Variants in KCNQ5 observed in about 807,000 individuals in gnomAD.
The protein encoded by KCNQ5 is potassium voltage-gated channel subfamily Q member 5.
KCNQ5 carries 30 observed loss-of-function variants against 98.2 expected under a neutral mutation model. The ratio of observed to expected loss-of-function variants is 0.31; its 90% CI spans 0.23 to 0.41. The LOEUF (loss-of-function observed/expected upper bound fraction) is 0.41, where lower values mean the gene tolerates loss of function less well. Ranked by LOEUF, KCNQ5 falls within the 10% of genes least tolerant of loss-of-function variation. The probability of loss-of-function intolerance (pLI) is 1.00; values close to 1 mark genes in which losing one functional copy is unlikely to be tolerated. For missense variants in KCNQ5, 835 were observed against 1,182.5 expected (o/e 0.71, Z 4.31); for synonymous variants, 458 against 449.4 (o/e 1.02, Z -0.24).
intron 1 of KCNQ5, among the ~76,000 whole-genome samples, chr6:73,003,062 GT>G (rs77297471): frequency 0.14 from 21,295 of 149,786 alleles, 2,003 homozygotes; most frequent in East Asian, 0.26. Context: ...AATAGCTCAG[GT>G]TTTTTTTTTA....
chr6:72,906,551 C>T (rs1487143770), intron 1 of KCNQ5, among the ~76,000 whole-genome samples: 1 of 152,188 alleles, frequency 6.6e-6, no homozygotes, highest in East Asian at 1.9e-4. Context: ...CTTGGGGACC[C>T]AGCAAGCTCC....
chr6:72,825,289 T>C (rs1775945190), intron 1 of KCNQ5, among the ~76,000 whole-genome samples: 1 of 152,188 alleles, frequency 6.6e-6, no homozygotes, highest in Admixed American at 6.5e-5. Flanking sequence ...TTCTATTTTT[T>C]CCACAGCACT....
intron 1 of KCNQ5, among the ~76,000 whole-genome samples, chr6:72,667,536 G>C (rs1766885614): frequency 6.6e-6 from 1 of 152,064 alleles, no homozygotes; most frequent in African/African-American, 2.4e-5. Flanking sequence ...AGATGAAGGA[G>C]ACATAGGATA....
At chr6:72,974,023 G>A (rs1022001459) in intron 1 of KCNQ5, among the ~76,000 whole-genome samples, 1 of 152,144 alleles carries the variant, frequency 6.6e-6, no homozygotes, top group African/African-American at 2.4e-5. Flanking sequence ...CTGAGTAGGA[G>A]GAGACATACA....
intron 1 of KCNQ5, among the ~76,000 whole-genome samples, chr6:72,818,061 A>G (rs1775580672): frequency 6.6e-6 from 1 of 152,176 alleles, no homozygotes. Flanking sequence ...TATATTGATC[A>G]GTTAATTTTT....
At chr6:72,979,383 G>A (rs545814121) in intron 1 of KCNQ5, among the ~76,000 whole-genome samples, 1 of 152,286 alleles carries the variant, frequency 6.6e-6, no homozygotes, top group Admixed American at 6.5e-5. Context: ...GGTGTGAGAT[G>A]GTATCTCATT....
intron 1 of KCNQ5, among the ~76,000 whole-genome samples, chr6:72,702,671 T>G (rs1459957887): frequency 1.3e-5 from 2 of 152,180 alleles, no homozygotes; most frequent in African/African-American, 4.8e-5. Flanking sequence ...TGTGACCCAT[T>G]CACACAGAAT....
intron 1 of KCNQ5, among the ~76,000 whole-genome samples, chr6:72,957,522 A>C (rs1273703715): frequency 6.6e-6 from 1 of 152,044 alleles, no homozygotes; most frequent in Non-Finnish European, 1.5e-5. Context: ...CAGGGATTCC[A>C]ATTTACTTTC....
At chr6:72,984,041 C>A (rs1232148050) in intron 1 of KCNQ5, among the ~76,000 whole-genome samples, 1 of 152,188 alleles carries the variant, frequency 6.6e-6, no homozygotes, top group Non-Finnish European at 1.5e-5. Flanking sequence ...GCAAATATTG[C>A]AGACTAGCAA....
intron 1 of KCNQ5, among the ~76,000 whole-genome samples, chr6:72,840,902 T>C (rs1453380164): frequency 6.6e-6 from 1 of 152,178 alleles, no homozygotes; most frequent in Non-Finnish European, 1.5e-5. Context: ...TGGATGGTTG[T>C]TTTACATGAA....
chr6:72,850,684 A>T (rs1453988066), intron 1 of KCNQ5, among the ~76,000 whole-genome samples: 1 of 152,212 alleles, frequency 6.6e-6, no homozygotes, highest in Admixed American at 6.5e-5. Context: ...GGTCACAGCC[A>T]TAGCTGGAGC....
At chr6:72,774,933 G>A (rs1773088952) in intron 1 of KCNQ5, among the ~76,000 whole-genome samples, 1 of 152,084 alleles carries the variant, frequency 6.6e-6, no homozygotes, top group African/African-American at 2.4e-5. Context: ...GGTGATCATA[G>A]GTGTCCTTTG....
chr6:72,634,374 A>G (rs1258637562), intron 1 of KCNQ5, among the ~76,000 whole-genome samples: 1 of 152,088 alleles, frequency 6.6e-6, no homozygotes, highest in Non-Finnish European at 1.5e-5. Context: ...TGCACCTCCC[A>G]TAGCCTTTAT....
chr6:73,104,451 G>C (rs1489246407), intron 5 of KCNQ5, among the ~76,000 whole-genome samples: 1 of 152,112 alleles, frequency 6.6e-6, no homozygotes, highest in African/African-American at 2.4e-5. Flanking sequence ...AATTGAAGAA[G>C]TCACTAATCC....
chr6:72,797,711 T>C (rs1774415431), intron 1 of KCNQ5, among the ~76,000 whole-genome samples: 1 of 152,126 alleles, frequency 6.6e-6, no homozygotes, highest in African/African-American at 2.4e-5. Context: ...TATAGAATAG[T>C]GGCTTAGTGC....
Position 73,198,806 on chromosome 6 carries a change from T to C in KCNQ5, c.*3392T>C, listed in dbSNP as rs1442309719. ...TGTAATTTCCTTTGCTCTCTTTTACTGGGATTATTTGTTTTAAAGTAAAAC... is the reference window on the plus strand; with the variant it reads ...TGTAATTTCCTTTGCTCTCTTTTACCGGGATTATTTGTTTTAAAGTAAAAC... On this transcript the variant is annotated 3_prime_UTR_variant, in exon 14 of 14. Transcript: ENST00000370398. 1.3e-5 allele frequency: 2 copies of C among 152,250 alleles called. No homozygotes were observed. The highest frequency in any genetic ancestry group is 4.8e-5 in the African/African-American group (2 of 41,464). 9.4% of individuals were successfully genotyped at this position (152,250 alleles called of 1,614,324 possible).
chr6:73,048,075 T>G (rs890609907), intron 3 of KCNQ5, among the ~76,000 whole-genome samples: 3 of 152,224 alleles, frequency 2.0e-5, no homozygotes, highest in African/African-American at 7.2e-5. Context: ...TTCCTTCTTA[T>G]AGAGATAATA....
intron 1 of KCNQ5, among the ~76,000 whole-genome samples, chr6:72,689,152 G>T (rs1768089636): frequency 6.6e-6 from 1 of 152,032 alleles, no homozygotes; most frequent in African/African-American, 2.4e-5. Context: ...TAACCCTTTG[G>T]AGTCCTGGTT....
intron 1 of KCNQ5, among the ~76,000 whole-genome samples, chr6:72,854,959 AC>A (rs1171324129): frequency 6.6e-6 from 1 of 152,012 alleles, no homozygotes; most frequent in Non-Finnish European, 1.5e-5. Flanking sequence ...GACATTTTGT[AC>A]CATGGATAAT....
Sources: gnomAD v4.1 joint callset for allele counts (sites outside exome capture counted in the v4.1 genomes callset) on GRCh38, gnomAD v4.1.1 for gene constraint, MANE v1.5 for transcripts, NCBI Gene and HGNC (gene_info 2026-07-23, HGNC 2026-07-21) for gene names.